DAB1: variants seen among roughly 807,000 people sequenced by gnomAD.
The protein encoded by DAB1 is disabled homolog 1.
DAB1 carries 15 observed loss-of-function variants against 64.6 expected under a neutral mutation model. That is an observed-to-expected ratio of 0.23 (90% CI 0.16 to 0.36). The LOEUF is 0.36. Ranked by LOEUF, DAB1 falls within the 10% of genes least tolerant of loss-of-function variation. The probability of loss-of-function intolerance (pLI) is 1.00; values close to 1 mark genes in which losing one functional copy is unlikely to be tolerated. For synonymous variants in DAB1, 235 were observed against 251.9 expected, an observed-to-expected ratio of 0.93 and a Z score of 0.64; for missense variants, 596 against 706.7, an observed-to-expected ratio of 0.84 and a Z score of 1.78.
intron 3 of DAB1, among the ~76,000 whole-genome samples, chr1:58,417,249 TGAA>T (rs1393212789): frequency 6.6e-6 from 1 of 152,186 alleles, no homozygotes; most frequent in Non-Finnish European, 1.5e-5. Context: ...CTTAACCAAG[TGAA>T]GAAGGACATG....
intron 4 of DAB1, among the ~76,000 whole-genome samples, chr1:57,086,644 AACACACACACAC>A (rs368060919): frequency 3.4e-3 from 401 of 118,608 alleles, no homozygotes; most frequent in African/African-American, 9.2e-3. Context: ...TTCTGTCTTA[AACACACACACAC>A]ACACACACAC....
At chr1:58,113,191 T>C (rs960990752) in intron 5 of DAB1, among the ~76,000 whole-genome samples, 2 of 152,106 alleles carry the variant, frequency 1.3e-5, no homozygotes, top group African/African-American at 4.8e-5. Context: ...GAAGACATGA[T>C]GCCCAGACTG....
intron 3 of DAB1, among the ~76,000 whole-genome samples, chr1:58,414,698 G>C (rs949501450): frequency 6.6e-6 from 1 of 151,554 alleles, no homozygotes; most frequent in Admixed American, 6.6e-5. Context: ...TAATTTTAAA[G>C]ATGAGAAAAA....
At chr1:57,706,565 T>G (rs1646968856) in intron 6 of DAB1, among the ~76,000 whole-genome samples, 3 of 152,200 alleles carry the variant, frequency 2.0e-5, no homozygotes, top group Admixed American at 1.3e-4. Context: ...TCTGCCCACC[T>G]CAGTCTTCCA....
At chr1:57,728,771 C>T (rs1647288886) in intron 6 of DAB1, among the ~76,000 whole-genome samples, 1 of 152,130 alleles carries the variant, frequency 6.6e-6, no homozygotes, top group Non-Finnish European at 1.5e-5. Flanking sequence ...GTTGCTCTTC[C>T]TACCTGAAGA....
intron 6 of DAB1, among the ~76,000 whole-genome samples, chr1:57,776,783 G>A (rs1649821038): frequency 6.6e-6 from 1 of 151,440 alleles, no homozygotes; most frequent in Non-Finnish European, 1.5e-5. Flanking sequence ...TTCTACATAT[G>A]TTGCAAACTC....
chr1:57,226,663 T>TA (rs71713506), intron 2 of DAB1, among the ~76,000 whole-genome samples: 6,308 of 120,802 alleles, frequency 0.052, 281 homozygotes, highest in African/African-American at 0.11. Flanking sequence ...CAAAAGTGGT[T>TA]AAAAAAAAAA....
chr1:58,197,197 T>C (rs1362492965), intron 4 of DAB1, among the ~76,000 whole-genome samples: 1 of 152,190 alleles, frequency 6.6e-6, no homozygotes, highest in Admixed American at 6.5e-5. Flanking sequence ...GAATGAAAAG[T>C]GAGGTTTTAT....
chr1:57,273,522 A>C (rs140883939), intron 2 of DAB1, among the ~76,000 whole-genome samples: 117 of 96,964 alleles, frequency 1.2e-3, no homozygotes, highest in African/African-American at 3.4e-3. Flanking sequence ...ACCAAGCCTG[A>C]CTGCCTGCCT....
chr1:57,833,233 T>C (rs1652672321), intron 1 of DAB1, among the ~76,000 whole-genome samples: 2 of 152,214 alleles, frequency 1.3e-5, no homozygotes, highest in South Asian at 4.1e-4. Context: ...AACTTTATTA[T>C]ATGCCAGGTA....
chr1:57,168,032 G>A (rs1318432697), intron 2 of DAB1, among the ~76,000 whole-genome samples: 1 of 152,210 alleles, frequency 6.6e-6, no homozygotes, highest in Non-Finnish European at 1.5e-5. Context: ...GATTGTAAAA[G>A]TTGCAGATAA....
intron 7 of DAB1, among the ~76,000 whole-genome samples, chr1:57,626,705 C>T (rs1247311369): frequency 6.6e-6 from 1 of 152,138 alleles, no homozygotes; most frequent in East Asian, 1.9e-4. Context: ...TGGTGAGGGC[C>T]TGCTTCCTGC....
At chr1:58,071,968 A>G (rs1315059386) in intron 5 of DAB1, among the ~76,000 whole-genome samples, 1 of 151,806 alleles carries the variant, frequency 6.6e-6, no homozygotes, top group Non-Finnish European at 1.5e-5. Flanking sequence ...CTTACATTCT[A>G]GTAAGGAACA....
intron 1 of DAB1, among the ~76,000 whole-genome samples, chr1:57,311,861 G>A (rs1165162016): frequency 1.3e-5 from 2 of 152,136 alleles, no homozygotes; most frequent in Non-Finnish European, 2.9e-5. Flanking sequence ...ACATGATGAT[G>A]GTGATGGTAA....
At chr1:57,935,402 T>C (rs1019790039) in intron 5 of DAB1, among the ~76,000 whole-genome samples, 1 of 152,224 alleles carries the variant, frequency 6.6e-6, no homozygotes, top group Non-Finnish European at 1.5e-5. Flanking sequence ...GTTCATGATC[T>C]GGTGTTCAAT....
At chr1:58,470,769 T>C (rs1442209218) in intron 3 of DAB1, among the ~76,000 whole-genome samples, 1 of 152,148 alleles carries the variant, frequency 6.6e-6, no homozygotes, top group Non-Finnish European at 1.5e-5. Context: ...CCAGCGACCT[T>C]CATGAATAGC....
At chr1:57,063,319 C>G (rs751689658) in intron 8 of DAB1, among the ~76,000 whole-genome samples, 2 of 152,018 alleles carry the variant, frequency 1.3e-5, no homozygotes, top group Non-Finnish European at 2.9e-5. Flanking sequence ...TGATTAAAAA[C>G]AGTTTGCAGC....
chr1:58,049,316 A>G (rs1647465254), intron 5 of DAB1: 1 of 664,736 alleles, frequency 1.5e-6, no homozygotes. Flanking sequence ...GAGAGACTTT[A>G]ACGATGCTTC....
chr1:58,262,042 G>A (rs996947215), intron 4 of DAB1, among the ~76,000 whole-genome samples: 4 of 152,166 alleles, frequency 2.6e-5, no homozygotes, highest in African/African-American at 9.7e-5. Flanking sequence ...GTTAGGTCTG[G>A]GCTCAATCTG....
Sources: gnomAD v4.1 joint callset for allele counts (sites outside exome capture counted in the v4.1 genomes callset) on GRCh38, gnomAD v4.1.1 for gene constraint, MANE v1.5 for transcripts, NCBI Gene and HGNC (gene_info 2026-07-23, HGNC 2026-07-21) for gene names.